The following CCNY variants were observed in gnomAD, a reference collection of about 807,000 sequenced individuals.
CCNY encodes cyclin Y.
Under a neutral mutation model 42.8 loss-of-function variants are expected in CCNY, and 19 were observed. That is an observed-to-expected ratio of 0.44 (90% CI 0.31 to 0.65). The LOEUF (loss-of-function observed/expected upper bound fraction) is 0.65. Among genes scored for constraint, CCNY ranks in the 30% least tolerant of loss-of-function variants. The pLI, the probability that CCNY is intolerant of heterozygous loss-of-function variation, is 0.07. For missense variants in CCNY, 370 were observed against 437.3 expected (o/e 0.85, Z 1.37); for synonymous variants, 165 against 162.7 (o/e 1.01, Z -0.11).
At chr10:35,262,923 A>C (rs2095721181) in intron 3 of CCNY, among the ~76,000 whole-genome samples, 1 of 128,436 alleles carries the variant, frequency 7.8e-6, no homozygotes, top group Non-Finnish European at 1.6e-5. Context: ...GTGTTCTAAA[A>C]GGAAAAAAAA....
intron 7 of CCNY, among the ~76,000 whole-genome samples, chr10:35,531,714 G>A (rs542472382): frequency 3.9e-5 from 6 of 152,342 alleles, no homozygotes; most frequent in Non-Finnish European, 7.3e-5. Flanking sequence ...TGAAGTTGCT[G>A]TAGATGGAAA....
chr10:35,401,648 G>GT (rs935907647), intron 1 of CCNY, among the ~76,000 whole-genome samples: 3 of 151,248 alleles, frequency 2.0e-5, no homozygotes, highest in African/African-American at 7.3e-5. Flanking sequence ...CAGGCTTTGT[G>GT]TGAGCAACAA....
chr10:35,483,205 A>G (rs1263010090), intron 1 of CCNY, among the ~76,000 whole-genome samples, 199 bp from the exon 2 acceptor site: 1 of 152,198 alleles, frequency 6.6e-6, no homozygotes, highest in East Asian at 1.9e-4. Context: ...CCAACTGTCT[A>G]ATTTTTATGT....
intron 1 of CCNY, among the ~76,000 whole-genome samples, chr10:35,428,631 A>T (rs1838320349): frequency 6.6e-6 from 1 of 152,180 alleles, no homozygotes; most frequent in South Asian, 2.1e-4. Context: ...AGAATGGGGT[A>T]GACAGACAGA....
intron 1 of CCNY, among the ~76,000 whole-genome samples, chr10:35,482,248 T>G (rs1352840054): frequency 2.0e-5 from 3 of 152,102 alleles, no homozygotes; most frequent in African/African-American, 7.3e-5. Flanking sequence ...TTATTAACAC[T>G]AAGGATAGCC....
At chr10:35,261,493 C>T (rs2095719582) in intron 3 of CCNY, among the ~76,000 whole-genome samples, 1 of 151,748 alleles carries the variant, frequency 6.6e-6, no homozygotes, top group Admixed American at 6.6e-5. Flanking sequence ...CCACCTTGGC[C>T]TCCCAAAGTG....
At chr10:35,256,550 G>A (rs1458983433) in intron 3 of CCNY, among the ~76,000 whole-genome samples, 5 of 151,890 alleles carry the variant, frequency 3.3e-5, no homozygotes, top group Admixed American at 6.6e-5. Context: ...TGGCCAGGAT[G>A]GTGAAACCCC....
At chr10:35,336,346 AGGAGCGGCCCCCG>A (rs1293329441), upstream of CCNY, 1 of 152,034 alleles carries the variant, frequency 6.6e-6, no homozygotes, top group African/African-American at 2.4e-5. Context: ...TGCCCGAGAG[AGGAGCGGCCCCCG>A]GGAGCGATCC....
Position 35,368,341 on chromosome 10 carries a change from G to A in CCNY, c.154+31134G>A, listed in dbSNP as rs146481279. 3.2e-3 allele frequency among the ~76,000 whole-genome samples: 486 copies of A among 152,288 alleles called. 4 individuals carry two copies. Among genetic ancestry groups the A allele is most frequent in the Admixed American group, 6.9e-3 (105 of 15,292 alleles). On this transcript the variant is annotated intron_variant, in intron 1 of 9. Coordinates refer to ENST00000374704, the MANE Select transcript of CCNY (RefSeq NM_145012.6). ...GCAGAAACTGCTTTGCACTAAAATGGAATGATCATAATCTTTTTCTAATTT... is the reference window on the plus strand; with the variant it reads ...GCAGAAACTGCTTTGCACTAAAATGAAATGATCATAATCTTTTTCTAATTT...
intron 2 of CCNY, among the ~76,000 whole-genome samples, chr10:35,483,821 A>C (rs1441067284): frequency 6.6e-6 from 1 of 152,226 alleles, no homozygotes; most frequent in Admixed American, 6.5e-5. Context: ...TAATTTAGAC[A>C]GTATGTAAAA....
intron 1 of CCNY, among the ~76,000 whole-genome samples, chr10:35,466,916 G>C (rs552406239): frequency 6.6e-6 from 1 of 152,188 alleles, no homozygotes; most frequent in Non-Finnish European, 1.5e-5. Flanking sequence ...GGGACTAGAC[G>C]CCTGCACCAG....
intron 3 of CCNY, 72 bp downstream of exon 3, chr10:35,501,607 A>T (rs1174525949): frequency 1.6e-6 from 2 of 1,253,084 alleles, no homozygotes; most frequent in South Asian, 1.2e-5. Context: ...ACTGTCTGTG[A>T]TGGATGAAAA....
chr10:35,408,017 G>T (rs1203335131), intron 1 of CCNY, among the ~76,000 whole-genome samples: 2 of 152,174 alleles, frequency 1.3e-5, no homozygotes, highest in Non-Finnish European at 2.9e-5. Context: ...TGTCTCCTTT[G>T]TCTCCACCAG....
chr10:35,542,403 A>AG lies in CCNY; in HGVS notation c.580-10614dup, dbSNP rs757468196. 1.8e-3 allele frequency among the ~76,000 whole-genome samples: 270 copies of AG among 152,152 alleles called. 3 individuals are homozygous for AG. The highest frequency in any genetic ancestry group is 3.4e-3 in the Middle Eastern group (1 of 294). ...TGATGATAACCTTGATCCCTGGCTG[A>AG]GGTTGTGTTTGTCAGGTTTCTCTGC... On this transcript the variant is annotated intron_variant, in intron 7 of 9. Coordinates refer to ENST00000374704, the MANE Select transcript of CCNY (RefSeq NM_145012.6).
intron 7 of CCNY, among the ~76,000 whole-genome samples, chr10:35,532,240 C>T (rs1840784516): frequency 6.6e-6 from 1 of 152,232 alleles, no homozygotes; most frequent in African/African-American, 2.4e-5. Flanking sequence ...GTTCTTCCCT[C>T]CTCGTGTTCC....
chr10:35,492,792 T>G (rs938724559), intron 2 of CCNY, among the ~76,000 whole-genome samples: 2 of 152,244 alleles, frequency 1.3e-5, no homozygotes, highest in Non-Finnish European at 2.9e-5. Context: ...TTCTGTTTTG[T>G]GTTGCAGCTT....
intron 1 of CCNY, among the ~76,000 whole-genome samples, chr10:35,416,967 A>G (rs976262477): frequency 1.3e-5 from 2 of 152,238 alleles, no homozygotes; most frequent in Non-Finnish European, 2.9e-5. Flanking sequence ...ATAACCCATC[A>G]AACAGTGAAA....
chr10:35,308,936 C>T (rs1225663875), intron 3 of CCNY, among the ~76,000 whole-genome samples: 1 of 152,098 alleles, frequency 6.6e-6, no homozygotes, highest in Non-Finnish European at 1.5e-5. Flanking sequence ...GAGTCCTTGC[C>T]TCAGCAGTCC....
At chr10:35,510,692 A>C (rs1840308344) in intron 3 of CCNY, among the ~76,000 whole-genome samples, 1 of 152,206 alleles carries the variant, frequency 6.6e-6, no homozygotes, top group African/African-American at 2.4e-5. Context: ...ACAGCACCAC[A>C]ATGAAGGACA....
Sources: gnomAD v4.1 joint callset for allele counts (sites outside exome capture counted in the v4.1 genomes callset) on GRCh38, gnomAD v4.1.1 for gene constraint, MANE v1.5 for transcripts, NCBI Gene and HGNC (gene_info 2026-07-23, HGNC 2026-07-21) for gene names.